Variants in SGF29 observed in about 807,000 individuals in gnomAD.
SGF29 encodes SAGA complex associated factor 29, also known as SAGA-associated factor 29.
SGF29 carries 15 observed loss-of-function variants against 38.1 expected under a neutral mutation model. The ratio of observed to expected loss-of-function variants is 0.39; its 90% CI spans 0.26 to 0.61. SGF29 has a LOEUF of 0.61. Ranked by LOEUF, SGF29 falls within the 20% of genes least tolerant of loss-of-function variation. SGF29 has a pLI of 0.49. For synonymous variants in SGF29, 151 were observed against 160.8 expected (o/e 0.94, Z 0.46); for missense variants, 184 against 394.6 (o/e 0.47, Z 4.52).
At chr16:28,572,010 C>T (rs2046867698) in intron 1 of SGF29, among the ~76,000 whole-genome samples, 1 of 152,144 alleles carries the variant, frequency 6.6e-6, no homozygotes, top group South Asian at 2.1e-4. Context: ...GACGGAGTCT[C>T]GCACTGTTGC....
chr16:28,556,407 G>T (rs559906094), intron 1 of SGF29, among the ~76,000 whole-genome samples: 9 of 152,244 alleles, frequency 5.9e-5, no homozygotes, highest in Admixed American at 2.0e-4. Flanking sequence ...GATTGCAATG[G>T]CGCAATCATG....
intron 3 of SGF29, chr16:28,585,219 TG>T: frequency 1.8e-6 from 1 of 544,938 alleles, no homozygotes. Flanking sequence ...TAGGGAAGCT[TG>T]CCCTTAGAGC....
At chr16:28,564,727 AC>A (rs2046822602) in intron 1 of SGF29, among the ~76,000 whole-genome samples, 1 of 40,480 alleles carries the variant, frequency 2.5e-5, no homozygotes. Flanking sequence ...GTATATATAT[AC>A]ATATATATGT....
chr16:28,566,377 A>T (rs2046836465), intron 1 of SGF29, among the ~76,000 whole-genome samples: 1 of 152,052 alleles, frequency 6.6e-6, no homozygotes, highest in African/African-American at 2.4e-5. Context: ...TCAGTGGAGG[A>T]GGTGACTTGG....
chr16:28,584,650 G>A (rs974294532), intron 2 of SGF29, among the ~76,000 whole-genome samples: 10 of 152,256 alleles, frequency 6.6e-5, no homozygotes, highest in African/African-American at 2.4e-4. Flanking sequence ...TTAACCAGGC[G>A]TGGTGGCGGG....
intron 3 of SGF29, 63 bp downstream of exon 3, chr16:28,585,051 CTG>C: frequency 1.6e-6 from 2 of 1,279,454 alleles, no homozygotes; most frequent in East Asian, 4.7e-5. Context: ...ATGGCCAAGA[CTG>C]TGACCGAGGT....
intron 5 of SGF29, among the ~76,000 whole-genome samples, chr16:28,589,604 T>C (rs563401619): frequency 6.6e-6 from 1 of 152,342 alleles, no homozygotes; most frequent in East Asian, 1.9e-4. Flanking sequence ...GGCATGTCAG[T>C]GTCCCCACAC....
chr16:28,563,934 A>C (rs533249733), intron 1 of SGF29, among the ~76,000 whole-genome samples: 2 of 151,982 alleles, frequency 1.3e-5, no homozygotes, highest in African/African-American at 4.8e-5. Context: ...TTTAGTAGAG[A>C]CAGGGTTTTG....
At chr16:28,572,984 C>A (rs1240595269) in intron 1 of SGF29, among the ~76,000 whole-genome samples, 1 of 152,154 alleles carries the variant, frequency 6.6e-6, no homozygotes, top group Non-Finnish European at 1.5e-5. Context: ...TACTCCCAGA[C>A]AGAGTAACCT....
At chr16:28,561,401 C>T (rs2046789111) in intron 1 of SGF29, among the ~76,000 whole-genome samples, 3 of 152,056 alleles carry the variant, frequency 2.0e-5, no homozygotes, top group Admixed American at 6.6e-5. Context: ...GGTGCGGTAG[C>T]TGGCACCTGC....
At chr16:28,585,621 C>T in intron 3 of SGF29, 27 bp from the exon 4 acceptor site, 1 of 1,605,876 alleles carries the variant, frequency 6.2e-7, no homozygotes, top group Non-Finnish European at 8.5e-7. Flanking sequence ...CTGGCCCTGC[C>T]TCCTTATCCC....
chr16:28,590,770 C>A lies in SGF29; in HGVS notation c.603-3C>A, dbSNP rs373249427. 7.4e-5 allele frequency: 119 copies of A among 1,613,922 alleles called. No homozygotes were observed. Among genetic ancestry groups the A allele is most frequent in the Middle Eastern group, 4.9e-4 (3 of 6,084 alleles). On this transcript the variant is annotated splice_polypyrimidine_tract_variant and splice_region_variant and intron_variant, in intron 8 of 9. Coordinates refer to ENST00000317058, the MANE Select transcript of SGF29 (RefSeq NM_138414.3). The surrounding 1 kb of genome is among the most constrained non-coding windows in gnomAD (Gnocchi z 8.2). Reference sequence around the variant, plus strand: ...AGGTTGATATAAGCCCCTCTTCCCCCAGGAGACACACCCTGAGCCGGCGCC... The same window carrying A: ...AGGTTGATATAAGCCCCTCTTCCCCAAGGAGACACACCCTGAGCCGGCGCC...
Position 28,590,462 on chromosome 16 carries a change from G to A in SGF29, c.566+20G>A. On this transcript the variant is annotated intron_variant, in intron 7 of 9. Coordinates refer to ENST00000317058, the MANE Select transcript of SGF29 (RefSeq NM_138414.3). The surrounding 1 kb of genome is among the most constrained non-coding windows in gnomAD (Gnocchi z 8.2). Reference sequence around the variant, plus strand: ...CAACAAGTGAGTGACACCAACCCTGGGGCTGCTCTCTGGTCACCGAACTTG... The same window carrying A: ...CAACAAGTGAGTGACACCAACCCTGAGGCTGCTCTCTGGTCACCGAACTTG... 6.2e-7 allele frequency: 1 copy of A among 1,613,876 alleles called. No individual in the cohort carries two copies. Among genetic ancestry groups the A allele is most frequent in the Non-Finnish European group, 8.5e-7 (1 of 1,179,826 alleles).
intron 5 of SGF29, 101 bp downstream of exon 5, chr16:28,589,265 G>C (rs2151654601): frequency 8.3e-7 from 1 of 1,198,662 alleles, no homozygotes; most frequent in Non-Finnish European, 1.2e-6. Flanking sequence ...GCCACCACCT[G>C]CTGGCATCCT....
At chr16:28,570,009 G>T (rs919291690) in intron 1 of SGF29, among the ~76,000 whole-genome samples, 10 of 152,352 alleles carry the variant, frequency 6.6e-5, no homozygotes, top group African/African-American at 2.4e-4. Flanking sequence ...GAAGAGCCTT[G>T]GGCCCAGGCA....
chr16:28,589,068 A>C (rs376499543), intron 4 of SGF29, 32 bp from the exon 5 acceptor site: 215 of 1,613,234 alleles, frequency 1.3e-4, no homozygotes, highest in Non-Finnish European at 1.4e-4. Context: ...TACGTTAACC[A>C]AACCCTCTTT....
At chr16:28,585,299 C>T (rs1045871698) in intron 3 of SGF29, 22 of 529,462 alleles carry the variant, frequency 4.2e-5, no homozygotes, top group Non-Finnish European at 6.1e-5. Flanking sequence ...CCTGCATCTG[C>T]CCTGAGGCCC....
chr16:28,569,423 G>GCAC (rs2046852002), intron 1 of SGF29, among the ~76,000 whole-genome samples: 2 of 152,178 alleles, frequency 1.3e-5, no homozygotes, highest in South Asian at 4.1e-4. Context: ...ACTTTAGGAG[G>GCAC]TTGAGGCAGG....
chr16:28,585,608 G>C lies in SGF29; in HGVS notation c.152-40G>C, dbSNP rs776448655. On this transcript the variant is annotated intron_variant, in intron 3 of 9. Transcript: ENST00000317058. ...GAAGCAGTGCCATGCTACTGTGCCT[G>C]CCCTGGCCCTGCCTCCTTATCCCTG... 9.0e-6 allele frequency: 14 copies of C among 1,554,280 alleles called. No homozygotes were observed. In the Admixed American group the frequency reaches 2.3e-4, roughly 26 times the overall value.
Sources: allele counts gnomAD v4.1 joint callset (sites outside exome capture counted in the v4.1 genomes callset), GRCh38; gene constraint gnomAD v4.1.1; non-coding constraint Gnocchi (gnomAD v3.1); transcripts MANE v1.5; gene names NCBI Gene and HGNC (gene_info 2026-07-23, HGNC 2026-07-21).